Variants in CNTN5 observed in about 807,000 individuals in gnomAD.
CNTN5 encodes the protein contactin 5, also known as contactin-5.
Under a neutral mutation model 129.1 loss-of-function variants are expected in CNTN5, and 77 were observed. The observed-to-expected ratio is 0.60, with a 90% CI of 0.50 to 0.72. CNTN5 has a LOEUF of 0.72. CNTN5 is among the 30% of genes least tolerant of loss of function. CNTN5 has a pLI of 0.00. For synonymous variants in CNTN5, 509 were observed against 465.6 expected, an observed-to-expected ratio of 1.09 and a Z score of -1.20; for missense variants, 1,478 against 1,328.8, an observed-to-expected ratio of 1.11 and a Z score of -1.75.
intron 3 of CNTN5, among the ~76,000 whole-genome samples, chr11:99,557,312 T>C (rs1010862582): frequency 4.6e-5 from 7 of 151,256 alleles, no homozygotes; most frequent in African/African-American, 1.7e-4. Context: ...TTTATGATCA[T>C]ATATAATATA....
intron 3 of CNTN5, among the ~76,000 whole-genome samples, chr11:99,654,929 G>A (rs967349642): frequency 6.6e-6 from 1 of 152,012 alleles, no homozygotes; most frequent in African/African-American, 2.4e-5. Flanking sequence ...CCTGAATGAG[G>A]AGATGGGAGG....
At chr11:100,010,452 C>T (rs1940459792) in intron 9 of CNTN5, among the ~76,000 whole-genome samples, 1 of 152,028 alleles carries the variant, frequency 6.6e-6, no homozygotes, top group South Asian at 2.1e-4. Flanking sequence ...AAAACTTGAA[C>T]TGTATTTTAT....
At chr11:99,113,988 C>A (rs999717712) in intron 1 of CNTN5, among the ~76,000 whole-genome samples, 1 of 152,086 alleles carries the variant, frequency 6.6e-6, no homozygotes, top group Non-Finnish European at 1.5e-5. Flanking sequence ...TCATAAGTTA[C>A]GCTTATCTAT....
At chr11:99,128,729 C>T (rs1313550649) in intron 1 of CNTN5, among the ~76,000 whole-genome samples, 1 of 152,166 alleles carries the variant, frequency 6.6e-6, no homozygotes, top group African/African-American at 2.4e-5. Flanking sequence ...TGGCTGGCAT[C>T]AGGTCGGTGC....
intron 1 of CNTN5, among the ~76,000 whole-genome samples, chr11:99,229,766 G>C (rs73000205): frequency 0.031 from 4,664 of 152,094 alleles, 106 homozygotes; most frequent in Middle Eastern, 0.068. Flanking sequence ...AACAGTTTCA[G>C]GCTAGTGTCA....
At chr11:100,179,748 T>C (rs17094531) in intron 13 of CNTN5, among the ~76,000 whole-genome samples, 4,713 of 152,120 alleles carry the variant, frequency 0.031, 240 homozygotes, top group African/African-American at 0.11. Context: ...AAATAATTTA[T>C]CCATTGCTAA....
chr11:99,864,069 A>G (rs917310848), intron 6 of CNTN5, among the ~76,000 whole-genome samples: 1 of 152,228 alleles, frequency 6.6e-6, no homozygotes, highest in Admixed American at 6.5e-5. Flanking sequence ...TCACGGATGT[A>G]TCTCAAGTGC....
chr11:99,063,748 C>A (rs369622181), intron 1 of CNTN5, among the ~76,000 whole-genome samples: 5 of 152,006 alleles, frequency 3.3e-5, no homozygotes, highest in Non-Finnish European at 5.9e-5. Context: ...AATTAGCCTT[C>A]TTTTTGAAAT....
At chr11:100,158,225 AC>A (rs2138345158) in intron 13 of CNTN5, among the ~76,000 whole-genome samples, 1 of 151,944 alleles carries the variant, frequency 6.6e-6, no homozygotes, top group South Asian at 2.1e-4. Context: ...ATCAAAACGA[AC>A]AAAATGGATC....
At chr11:99,099,883 C>T (rs1225290484) in intron 1 of CNTN5, among the ~76,000 whole-genome samples, 2 of 152,074 alleles carry the variant, frequency 1.3e-5, no homozygotes, top group African/African-American at 4.8e-5. Context: ...AGTGGGTTGG[C>T]ATGTTATGTT....
In CNTN5 at chr11:99,961,219, A is replaced by AAC. The variant is rs564745458; in HGVS notation, c.877+4211_877+4212insCA. Among the ~76,000 whole-genome samples the AAC allele has an allele frequency of 7.5e-4, 109 of 145,800 alleles. 1 individual carries two copies. Among genetic ancestry groups the AAC allele is most frequent in the Middle Eastern group, 7.1e-3 (2 of 280 alleles). The stretch of plus-strand genomic sequence containing the variant: ...GACTCCGTCTCAGAAAAAAAAAAAA[A>AAC]AAAAAACAGTAGAATATAGTGTCAA... On this transcript the variant is annotated intron_variant, in intron 8 of 24. Transcript: ENST00000524871.
intron 1 of CNTN5, among the ~76,000 whole-genome samples, chr11:99,080,380 T>C (rs11218323): frequency 0.18 from 27,045 of 152,048 alleles, 3,498 homozygotes; most frequent in East Asian, 0.44. Context: ...GAGAGAGCAT[T>C]TGAAAGCAGT....
intron 4 of CNTN5, among the ~76,000 whole-genome samples, chr11:99,830,687 C>A (rs1027231345): frequency 7.9e-5 from 12 of 152,096 alleles, no homozygotes; most frequent in Admixed American, 2.6e-4. Context: ...CTAATAATAA[C>A]TTTACAGTCT....
Position 99,832,673 on chromosome 11 carries a change from T to C in CNTN5, c.278-12179T>C, listed in dbSNP as rs557290336. Among the ~76,000 whole-genome samples, 12 of 152,314 alleles carry C rather than the reference T, an allele frequency of 7.9e-5. No homozygotes were observed. In the South Asian group the frequency reaches 2.5e-3, roughly 32 times the overall value. On this transcript the variant is annotated intron_variant, in intron 4 of 24. Transcript: ENST00000524871. ...AAGATACTTGGTGCAAAAATTTTTC[T>C]CACCTTGTAACTATGTCATCATAAA...
At chr11:99,655,189 G>C (rs2135895082) in intron 3 of CNTN5, among the ~76,000 whole-genome samples, 1 of 152,092 alleles carries the variant, frequency 6.6e-6, no homozygotes, top group East Asian at 1.9e-4. Flanking sequence ...AATGTCAGAG[G>C]TCCTGTCTGA....
chr11:100,155,271 A>G (rs1014634975), intron 13 of CNTN5, among the ~76,000 whole-genome samples: 2 of 152,124 alleles, frequency 1.3e-5, no homozygotes, highest in African/African-American at 4.8e-5. Context: ...TATTTATTAC[A>G]TATTGATTCC....
intron 3 of CNTN5, among the ~76,000 whole-genome samples, chr11:99,694,859 C>T (rs535395507): frequency 2.8e-4 from 43 of 152,202 alleles, no homozygotes; most frequent in African/African-American, 9.1e-4. Context: ...ACATGAACTG[C>T]GTCTCAAAAC....
At chr11:100,294,988 A>G (rs1385915041) in intron 18 of CNTN5, among the ~76,000 whole-genome samples, 1 of 151,690 alleles carries the variant, frequency 6.6e-6, no homozygotes, top group African/African-American at 2.4e-5. Context: ...CACTGTGCCC[A>G]TGACAACAAA....
At chr11:99,823,090 C>A (rs952835919) in intron 4 of CNTN5, among the ~76,000 whole-genome samples, 1 of 152,156 alleles carries the variant, frequency 6.6e-6, no homozygotes, top group Non-Finnish European at 1.5e-5. Context: ...TGTATCCGTA[C>A]CTATTCGAAC....
Sources: allele counts gnomAD v4.1 joint callset (sites outside exome capture counted in the v4.1 genomes callset), GRCh38; gene constraint gnomAD v4.1.1; transcripts MANE v1.5; gene names NCBI Gene and HGNC (gene_info 2026-07-23, HGNC 2026-07-21).